Variants in RALYL observed in about 807,000 individuals in gnomAD.
The protein encoded by RALYL is RALY RNA binding protein like, also known as RNA-binding Raly-like protein.
RALYL carries 29 observed loss-of-function variants against 35.1 expected under a neutral mutation model. The observed-to-expected ratio is 0.83, with a 90% CI of 0.61 to 1.13. The LOEUF (loss-of-function observed/expected upper bound fraction) is 1.13, where lower values mean the gene tolerates loss of function less well. Ranked by LOEUF, RALYL falls within the 50% of genes most tolerant of loss-of-function variation. The pLI is 0.00. For synonymous variants in RALYL, 120 were observed against 127.6 expected (o/e 0.94, Z 0.40); for missense variants, 359 against 360.4 (o/e 1.00, Z 0.03).
At chr8:84,640,965 T>C (rs1275373577) in intron 2 of RALYL, among the ~76,000 whole-genome samples, 1 of 151,844 alleles carries the variant, frequency 6.6e-6, no homozygotes, top group East Asian at 1.9e-4. Flanking sequence ...TTATAATTTT[T>C]CTTTCATGAA....
chr8:84,849,568 T>TC (rs1835390031), intron 4 of RALYL, among the ~76,000 whole-genome samples: 1 of 151,768 alleles, frequency 6.6e-6, no homozygotes, highest in African/African-American at 2.4e-5. Context: ...TTTGTTTTTT[T>TC]TTTTTTGAGA....
At chr8:84,599,928 T>C (rs1160490621) in intron 2 of RALYL, among the ~76,000 whole-genome samples, 1 of 151,570 alleles carries the variant, frequency 6.6e-6, no homozygotes, top group Non-Finnish European at 1.5e-5. Context: ...TTTTTTTTTT[T>C]TTTCTTCTGC....
chr8:84,554,303 T>C lies in RALYL; in HGVS notation c.256+24726T>C, dbSNP rs150685756. On this transcript the variant is annotated intron_variant, in intron 2 of 8. Transcript: ENST00000521268. ...AGATGTAACAATTTACGGTAGTTCA[T>C]TGTGTTTTGTTTTCCAACCAGAACA... Among the ~76,000 whole-genome samples, 642 of 152,306 alleles carry C rather than the reference T, an allele frequency of 4.2e-3. 2 individuals are homozygous for C. The highest frequency in any genetic ancestry group is 0.014 in the African/African-American group (562 of 41,574).
intron 1 of RALYL, among the ~76,000 whole-genome samples, chr8:84,311,511 A>C (rs1179168509): frequency 6.6e-6 from 1 of 152,168 alleles, no homozygotes; most frequent in African/African-American, 2.4e-5. Context: ...GTAGCAAAAA[A>C]TACTATAAAT....
intron 5 of RALYL, among the ~76,000 whole-genome samples, chr8:84,860,553 A>T (rs1837904305): frequency 6.6e-6 from 1 of 152,098 alleles, no homozygotes; most frequent in Non-Finnish European, 1.5e-5. Context: ...GGTCTAGCTG[A>T]CCCTTTTGAT....
intron 1 of RALYL, among the ~76,000 whole-genome samples, chr8:84,496,598 C>T (rs1267713658): frequency 6.6e-6 from 1 of 152,022 alleles, no homozygotes; most frequent in Non-Finnish European, 1.5e-5. Flanking sequence ...GACTGAATCC[C>T]CTTAGTAGTG....
chr8:84,854,251 C>A (rs1228370935), intron 5 of RALYL, among the ~76,000 whole-genome samples: 1 of 151,848 alleles, frequency 6.6e-6, no homozygotes, highest in Non-Finnish European at 1.5e-5. Context: ...GAGGCTGAGG[C>A]AGGAGAATTG....
In RALYL at chr8:84,732,216, T is replaced by C. The variant is rs1026757502; in HGVS notation, c.257-42363T>C. Among the ~76,000 whole-genome samples, 3 of 151,868 alleles carry C rather than the reference T, an allele frequency of 2.0e-5. No individual in the cohort carries two copies. The South Asian group carries it at 6.2e-4, about 31-fold the overall frequency. The stretch of plus-strand genomic sequence containing the variant: ...AAGCACCATGAGGAAGATATCACGA[T>C]TTTTTTGCTCTTTTATGCTGAGAAT... On this transcript the variant is annotated intron_variant, in intron 2 of 8. Transcript: ENST00000521268.
chr8:84,209,076 A>G (rs751190618), intron 1 of RALYL, among the ~76,000 whole-genome samples: 4 of 148,414 alleles, frequency 2.7e-5, no homozygotes, highest in African/African-American at 5.0e-5. Flanking sequence ...AATAATAAAA[A>G]CATTTAAAAA....
intron 2 of RALYL, among the ~76,000 whole-genome samples, chr8:84,680,353 G>A (rs1272401348): frequency 3.9e-5 from 6 of 152,026 alleles, no homozygotes; most frequent in Non-Finnish European, 1.5e-5. Flanking sequence ...ATAATCCTTT[G>A]GGTATATACC....
intron 1 of RALYL, among the ~76,000 whole-genome samples, chr8:84,278,667 A>G (rs1349715436): frequency 6.6e-6 from 1 of 152,188 alleles, no homozygotes; most frequent in African/African-American, 2.4e-5. Context: ...CCTCTAGGGC[A>G]GGGGCAAAAT....
At chr8:84,656,592 T>C (rs960958234) in intron 2 of RALYL, among the ~76,000 whole-genome samples, 6 of 152,144 alleles carry the variant, frequency 3.9e-5, no homozygotes, top group African/African-American at 1.4e-4. Flanking sequence ...TCACAAAGTG[T>C]TAAGTGCCTT....
chr8:84,197,826 C>G (rs77039627), intron 1 of RALYL, among the ~76,000 whole-genome samples: 5,238 of 150,618 alleles, frequency 0.035, 135 homozygotes, highest in African/African-American at 0.068. Flanking sequence ...GATTATTTAT[C>G]AATACCTGAA....
intron 5 of RALYL, among the ~76,000 whole-genome samples, chr8:84,856,164 T>A (rs1458886093): frequency 4.6e-5 from 7 of 152,184 alleles, no homozygotes; most frequent in African/African-American, 1.7e-4. Context: ...TTATTTGGAG[T>A]CAGAAGACAT....
At chr8:84,246,135 A>T (rs1829040975) in intron 1 of RALYL, among the ~76,000 whole-genome samples, 1 of 152,118 alleles carries the variant, frequency 6.6e-6, no homozygotes, top group African/African-American at 2.4e-5. Flanking sequence ...TACCCCCAAG[A>T]GGTAGACAAC....
rs535844307 is a variant in RALYL at position 84,216,327 on chromosome 8, G to A, written c.-24+31903G>A. Among the ~76,000 whole-genome samples, 238 of 152,164 alleles carry A rather than the reference G, an allele frequency of 1.6e-3. 1 individual carries two copies. The highest frequency in any genetic ancestry group is 5.6e-3 in the African/African-American group (231 of 41,540). On this transcript the variant is annotated intron_variant, in intron 1 of 8. Transcript: ENST00000521268. ...TAAGCCTATGTAGCAAGATCATGAA[G>A]AAATATAATATTATTTTAATAAAAG... is the stretch of plus-strand genomic sequence containing the variant.
intron 1 of RALYL, among the ~76,000 whole-genome samples, chr8:84,334,796 A>G (rs889282870): frequency 2.6e-5 from 4 of 152,048 alleles, no homozygotes; most frequent in African/African-American, 9.7e-5. Flanking sequence ...TTTTTGCATT[A>G]TGAAGAATTA....
intron 4 of RALYL, among the ~76,000 whole-genome samples, chr8:84,809,615 C>T (rs577797540): frequency 6.6e-6 from 1 of 152,138 alleles, no homozygotes; most frequent in Admixed American, 6.5e-5. Context: ...TGGTCCTGGA[C>T]ATTTTTTTGT....
intron 2 of RALYL, among the ~76,000 whole-genome samples, chr8:84,713,554 AAAGTGTCAGTGAGTACATAAAGTGACAAC>A (rs1355579826): frequency 6.6e-6 from 1 of 152,020 alleles, no homozygotes; most frequent in African/African-American, 2.4e-5. Context: ...AATTGTTATA[AAAGTGTCAGTGAGTACATAAAGTGACAAC>A]AAGTGTCAGT....
Sources: gnomAD v4.1 joint callset for allele counts (sites outside exome capture counted in the v4.1 genomes callset) on GRCh38, gnomAD v4.1.1 for gene constraint, MANE v1.5 for transcripts, NCBI Gene and HGNC (gene_info 2026-07-23, HGNC 2026-07-21) for gene names.